DNAH17: variants seen among roughly 807,000 people sequenced by gnomAD.
The protein encoded by DNAH17 is axonemal beta dynein heavy chain 17.
In DNAH17, 376 loss-of-function variants were observed where a neutral mutation model predicts 485.6. The observed-to-expected ratio is 0.77, with a 90% CI of 0.71 to 0.84. The LOEUF (loss-of-function observed/expected upper bound fraction) is 0.84, where lower values mean the gene tolerates loss of function less well. Ranked by LOEUF, DNAH17 falls within the 40% of genes least tolerant of loss-of-function variation. The pLI is 0.00. For synonymous variants in DNAH17, 3,031 were observed against 2,405.9 expected (o/e 1.26, Z -7.60); for missense variants, 6,370 against 5,839.3 (o/e 1.09, Z -2.96).
At chr17:78,546,911 G>GA (rs61596687) in intron 16 of DNAH17, among the ~76,000 whole-genome samples, 70,772 of 150,504 alleles carry the variant, frequency 0.47, 16,755 homozygotes, top group South Asian at 0.54. Context: ...TCTCAAGAAA[G>GA]AAAAAAAAAA....
rs370951011 is a variant in DNAH17, at chr17:78,490,733, G to A, written c.6784C>T (p.Leu2262Phe). The A allele has an allele frequency of 1.2e-6, 2 of 1,607,862 alleles. No homozygotes were observed. Among genetic ancestry groups the A allele is most frequent in the African/African-American group, 2.7e-5 (2 of 74,800 alleles). ...TPATVSRAGI[L>F]YINPADLGWN... Reference sequence around the variant, plus strand: ...CCCAGGTCGGCTGGGTTGATGTAGAGGATGCCGGCTCTGGAAACGGTGGCT... The same window carrying A: ...CCCAGGTCGGCTGGGTTGATGTAGAAGATGCCGGCTCTGGAAACGGTGGCT... The change falls in exon 44 of 81, where the codon CTC becomes TTC. Residue 2262 changes from leucine (L) to phenylalanine (F), a missense_variant. Leu to Phe is a conservative substitution (Grantham distance 22). Coordinates refer to ENST00000389840, the MANE Select transcript of DNAH17 (RefSeq NM_173628.4).
rs181112892 is a variant in DNAH17 at position 78,495,079 on chromosome 17, G to A, written c.5922C>T (p.Val1974=). The change falls in exon 39 of 81, where the codon GTC becomes GTT. Residue 1974 remains valine, a synonymous_variant. Transcript: ENST00000389840. ...TCTCACATATCAGTTCGAAGTCGGG[G>A]ACGACCATGGCACAGGGCCTGGGGA... The part of the protein sequence containing the change: ...KALFRPCAMV[V]PDFELICEIM... 300 of 1,609,054 alleles carry A rather than the reference G, an allele frequency of 1.9e-4. No individual in the cohort carries two copies. The highest frequency in any genetic ancestry group is 1.0e-3 in the Middle Eastern group (6 of 5,976).
intron 79 of DNAH17, 129 bp downstream of exon 79, chr17:78,426,328 T>G: frequency 8.5e-7 from 1 of 1,177,342 alleles, no homozygotes; most frequent in Non-Finnish European, 1.1e-6. Flanking sequence ...CTGGCCCTGA[T>G]CTGACAGAGG....
intron 12 of DNAH17, among the ~76,000 whole-genome samples, chr17:78,561,334 C>T (rs1194676063): frequency 6.6e-6 from 1 of 151,980 alleles, no homozygotes; most frequent in Non-Finnish European, 1.5e-5. Flanking sequence ...CAGGCCAAGC[C>T]GGGGCTCCCC....
At chr17:78,528,995 G>C (rs2091154022) in intron 22 of DNAH17, among the ~76,000 whole-genome samples, 1 of 150,930 alleles carries the variant, frequency 6.6e-6, no homozygotes, top group South Asian at 2.1e-4. Flanking sequence ...CCAGGCTGGA[G>C]TGCAGTGGTG....
Position 78,539,745 on chromosome 17 carries a change from C to T in DNAH17, c.2668G>A (p.Val890Ile). 1 of 1,609,556 alleles carries T rather than the reference C, an allele frequency of 6.2e-7. No individual in the cohort carries two copies. Among genetic ancestry groups the T allele is most frequent in the Middle Eastern group, 1.7e-4 (1 of 6,056 alleles). Reference protein sequence around the residue: ...KSLSFLMDNMVIDESIAPLFE... With the variant: ...KSLSFLMDNMIIDESIAPLFE... ...TTATGTTGATAACTTACATCTATAA[C>T]CATGTTGTCCATTAGGAAACTCAGA... The change falls in exon 18 of 81, where the codon GTT becomes ATT. Residue 890 changes from valine to isoleucine, a missense_variant. By Grantham distance (29) the Val-to-Ile change is conservative (BLOSUM62 3). Transcript: ENST00000389840.
chr17:78,553,685 C>A (rs541681405), intron 14 of DNAH17, among the ~76,000 whole-genome samples: 2 of 152,244 alleles, frequency 1.3e-5, no homozygotes, highest in Admixed American at 1.3e-4. Flanking sequence ...TTTAGAATGA[C>A]TTTTATCACT....
rs1451490760 is a variant in DNAH17, at chr17:78,438,812, A to T, written c.11805+278T>A. 2.6e-5 allele frequency among the ~76,000 whole-genome samples: 4 copies of T among 152,128 alleles called. No homozygotes were observed. The East Asian group carries it at 7.8e-4, about 30-fold the overall frequency. ...CCGTGCCCAACCATCTGTTGTTTAAATAATCTCTGTTTGGGGTACTCTCGT... is the reference window on the plus strand; with the variant it reads ...CCGTGCCCAACCATCTGTTGTTTAATTAATCTCTGTTTGGGGTACTCTCGT... On this transcript the variant is annotated intron_variant, in intron 73 of 80. Transcript: ENST00000389840.
intron 43 of DNAH17, 107 bp downstream of exon 43, chr17:78,491,336 G>C (rs890617734): frequency 6.9e-6 from 10 of 1,458,390 alleles, no homozygotes; most frequent in African/African-American, 1.4e-5. Flanking sequence ...CGCCACCTGC[G>C]CCAAGCCTGG....
At position 78,480,693 on chromosome 17, in the gene DNAH17, G is replaced by A. The variant is rs1163363942; in HGVS notation, c.7743C>T (p.Ser2581=). 4 of 1,613,404 alleles carry A rather than the reference G, an allele frequency of 2.5e-6. No individual in the cohort carries two copies. Among genetic ancestry groups the A allele is most frequent in the Non-Finnish European group, 3.4e-6 (4 of 1,179,664 alleles). Residue 2581 remains serine (S), a synonymous_variant, in exon 49 of 81, where the codon TCC becomes TCT. Coordinates refer to ENST00000389840, the MANE Select transcript of DNAH17 (RefSeq NM_173628.4). ...TATGGTTTCTGCTTACCTGAAGCCTGGAGTCGATGGTGAAGGATCCGGAAG... is the reference window on the plus strand; with the variant it reads ...TATGGTTTCTGCTTACCTGAAGCCTAGAGTCGATGGTGAAGGATCCGGAAG... ...NPTSGSFTID[S]RLQRHFCVFA... is the part of the protein sequence containing the mutation.
intron 17 of DNAH17, among the ~76,000 whole-genome samples, chr17:78,542,153 T>A (rs1420624228): frequency 6.6e-6 from 1 of 151,428 alleles, no homozygotes; most frequent in South Asian, 2.1e-4. Context: ...ACTTTTTTTT[T>A]TTTTTTTTTC....
chr17:78,525,932 G>A lies in DNAH17; in HGVS notation c.3711+719C>T, dbSNP rs565397525. ...AGGGGAAGAGTGAGGCAACCCTGAG[G>A]ACCCTGGGGTTCACATTTGCTAGAG... is the stretch of plus-strand genomic sequence containing the variant. On this transcript the variant is annotated intron_variant, in intron 24 of 80. Transcript: ENST00000389840. 3.3e-5 allele frequency among the ~76,000 whole-genome samples: 5 copies of A among 152,322 alleles called. No homozygotes were observed. The South Asian group carries it at 1.0e-3, about 32-fold the overall frequency.
intron 1 of DNAH17, among the ~76,000 whole-genome samples, chr17:78,575,709 G>A (rs1363054792): frequency 2.6e-5 from 4 of 152,072 alleles, no homozygotes; most frequent in Non-Finnish European, 1.5e-5. Context: ...CAGATGCTCG[G>A]GGGTAGGGTT....
intron 77 of DNAH17, 34 bp from the exon 78 acceptor site, chr17:78,427,142 G>T: frequency 6.4e-7 from 1 of 1,553,240 alleles, no homozygotes; most frequent in South Asian, 1.2e-5. Context: ...CCCTGTCACT[G>T]CAAAGAGCCC....
intron 25 of DNAH17, among the ~76,000 whole-genome samples, chr17:78,515,585 C>T (rs1234177783): frequency 6.6e-6 from 1 of 152,260 alleles, no homozygotes; most frequent in Non-Finnish European, 1.5e-5. Context: ...CCTGCTGTTG[C>T]TGGCCAGGAC....
chr17:78,451,314 G>A (rs2087540670), intron 66 of DNAH17, among the ~76,000 whole-genome samples, 155 bp downstream of exon 66: 1 of 152,378 alleles, frequency 6.6e-6, no homozygotes, highest in East Asian at 1.9e-4. Context: ...TGTCGTATGA[G>A]AAGCTGTGAT....
chr17:78,482,366 A>T (rs1370933870), intron 48 of DNAH17, among the ~76,000 whole-genome samples: 1 of 152,160 alleles, frequency 6.6e-6, no homozygotes, highest in Non-Finnish European at 1.5e-5. Context: ...GTGTGTTGGA[A>T]GTTGACGTCT....
chr17:78,566,928 C>T, intron 10 of DNAH17, 71 bp downstream of exon 10: 1 of 1,528,266 alleles, frequency 6.5e-7, no homozygotes, highest in South Asian at 1.3e-5. Flanking sequence ...CCCATCACAC[C>T]CCTAAGCTGG....
At chr17:78,570,026 T>C (rs1319519601) in intron 7 of DNAH17, among the ~76,000 whole-genome samples, 1 of 152,142 alleles carries the variant, frequency 6.6e-6, no homozygotes, top group Non-Finnish European at 1.5e-5. Flanking sequence ...TCCTCCTCTG[T>C]CCCCGTCTTC....
Sources: allele counts gnomAD v4.1 joint callset (sites outside exome capture counted in the v4.1 genomes callset), GRCh38; gene constraint gnomAD v4.1.1; transcripts MANE v1.5; gene names NCBI Gene and HGNC (gene_info 2026-07-23, HGNC 2026-07-21).